Variants in ERICH6 observed in about 807,000 individuals in gnomAD.
The protein encoded by ERICH6 is glutamate rich 6.
In ERICH6, 71 loss-of-function variants were observed where a neutral mutation model predicts 71.0. The ratio of observed to expected loss-of-function variants is 1.00; its 90% confidence interval spans 0.83 to 1.22. ERICH6 has a LOEUF of 1.22. Among genes scored for constraint, ERICH6 ranks in the 50% most tolerant of loss-of-function variants. ERICH6 has a pLI of 0.00. For missense variants in ERICH6, 808 were observed against 797.2 expected, an observed-to-expected ratio of 1.01 and a Z score of -0.16; for synonymous variants, 262 against 278.4, an observed-to-expected ratio of 0.94 and a Z score of 0.59.
chr3:150,701,001 A>G (rs1712849759), intron 2 of ERICH6, among the ~76,000 whole-genome samples: 1 of 152,226 alleles, frequency 6.6e-6, no homozygotes, highest in Non-Finnish European at 1.5e-5. Flanking sequence ...GTTGGTTTTC[A>G]ATTTTTAGAA....
intron 11 of ERICH6, 124 bp from the exon 12 acceptor site, chr3:150,669,575 A>G: frequency 9.7e-7 from 1 of 1,030,518 alleles, no homozygotes; most frequent in Non-Finnish European, 1.4e-6. Flanking sequence ...TACTATATTA[A>G]TACAAAAGAT....
At chr3:150,679,666 CT>C (rs940882937) in intron 9 of ERICH6, among the ~76,000 whole-genome samples, 40 of 147,176 alleles carry the variant, frequency 2.7e-4, no homozygotes, top group Admixed American at 5.4e-4. Context: ...AATAAGCTGA[CT>C]TTTTTTTTTT....
Position 150,698,830 on chromosome 3 carries a change from C to A in ERICH6, c.514G>T (p.Glu172Ter), listed in dbSNP as rs1476135138. ...TCAGACAAATCTTGGAGCCAACTTT[C>A]TTCTGTTTGTACTGATACTGGAATT... ...PGIPVSVQTE[E>*]SWLQDLSDKV... Residue 172 changes from glutamate (E) to a stop codon, truncating the protein, a stop_gained, in exon 3 of 14, where the codon GAA becomes TAA. Transcript: ENST00000295910. LOFTEE classifies it high-confidence loss of function. 6.2e-7 allele frequency: 1 copy of A among 1,613,972 alleles called. No homozygotes were observed. Among genetic ancestry groups the A allele is most frequent in the Non-Finnish European group, 8.5e-7 (1 of 1,179,968 alleles).
At chr3:150,691,950 ACTC>A (rs1712453699) in intron 3 of ERICH6, among the ~76,000 whole-genome samples, 1 of 151,516 alleles carries the variant, frequency 6.6e-6, no homozygotes, top group Non-Finnish European at 1.5e-5. Context: ...AAACTATTCC[ACTC>A]CTCAAGGCCC....
intron 11 of ERICH6, 105 bp downstream of exon 11, chr3:150,673,851 C>T (rs965678215): frequency 9.8e-7 from 1 of 1,016,338 alleles, no homozygotes; most frequent in Non-Finnish European, 1.5e-6. Flanking sequence ...AAAGTGCTGG[C>T]ATTACAGGTG....
intron 3 of ERICH6, among the ~76,000 whole-genome samples, chr3:150,689,844 T>C (rs1446700162): frequency 6.6e-6 from 1 of 152,168 alleles, no homozygotes; most frequent in Admixed American, 6.5e-5. Context: ...GAGAACGCTG[T>C]TTTTCCTTAT....
intron 3 of ERICH6, among the ~76,000 whole-genome samples, 154 bp downstream of exon 3, chr3:150,698,637 A>G (rs1333611474): frequency 6.6e-6 from 1 of 152,226 alleles, no homozygotes; most frequent in Non-Finnish European, 1.5e-5. Flanking sequence ...GAAGAAAGTA[A>G]GACTCAAAGA....
chr3:150,686,238 A>G (rs1405952032), intron 4 of ERICH6, 60 bp downstream of exon 4: 12 of 1,563,058 alleles, frequency 7.7e-6, no homozygotes, highest in Non-Finnish European at 7.9e-6. Context: ...AGTTAAGGTG[A>G]TTCCCTTCTG....
intron 11 of ERICH6, 44 bp downstream of exon 11, chr3:150,673,912 T>TG (rs1228979279): frequency 1.3e-6 from 2 of 1,570,818 alleles, no homozygotes; most frequent in Non-Finnish European, 1.7e-6. Context: ...TTCTTTTTTT[T>TG]GAAGTAATAA....
intron 5 of ERICH6, 39 bp from the exon 6 acceptor site, chr3:150,685,897 A>G: frequency 6.2e-7 from 1 of 1,608,292 alleles, no homozygotes; most frequent in Non-Finnish European, 8.5e-7. Flanking sequence ...AGGGGAAATA[A>G]TTGAAGATTT....
At chr3:150,681,021 T>C (rs1711906767) in intron 7 of ERICH6, 91 bp from the exon 8 acceptor site, 1 of 1,357,666 alleles carries the variant, frequency 7.4e-7, no homozygotes, top group Non-Finnish European at 9.9e-7. Flanking sequence ...TGGATAACAA[T>C]CCATCATAAG....
At chr3:150,682,484 G>C (rs1712009838) in intron 6 of ERICH6, among the ~76,000 whole-genome samples, 168 bp from the exon 7 acceptor site, 1 of 152,186 alleles carries the variant, frequency 6.6e-6, no homozygotes, top group Non-Finnish European at 1.5e-5. Context: ...GAGGCTTCAG[G>C]AGCCTGAGGT....
intron 1 of ERICH6, among the ~76,000 whole-genome samples, chr3:150,702,938 G>C (rs1189984329): frequency 7.4e-6 from 1 of 134,654 alleles, no homozygotes; most frequent in Non-Finnish European, 1.6e-5. Flanking sequence ...GAGAGAGGGA[G>C]AGAGAAAGAG....
intron 12 of ERICH6, 86 bp from the exon 13 acceptor site, chr3:150,667,101 G>T (rs1019749660): frequency 1.5e-6 from 2 of 1,293,928 alleles, no homozygotes; most frequent in East Asian, 2.3e-5. Context: ...TAACCAAGGG[G>T]AGTAACGGTT....
intron 11 of ERICH6, 89 bp from the exon 12 acceptor site, chr3:150,669,540 C>A: frequency 7.1e-7 from 1 of 1,404,958 alleles, no homozygotes; most frequent in East Asian, 2.3e-5. Context: ...ACTCTGAAAT[C>A]ATAAAGCATT....
chr3:150,686,651 G>A (rs1230088647), intron 3 of ERICH6, among the ~76,000 whole-genome samples: 1 of 152,136 alleles, frequency 6.6e-6, no homozygotes, highest in Admixed American at 6.6e-5. Context: ...GCCTGAAACT[G>A]CAGGTATACC....
chr3:150,676,339 T>C (rs765020150), intron 10 of ERICH6, among the ~76,000 whole-genome samples: 5 of 152,188 alleles, frequency 3.3e-5, no homozygotes, highest in Non-Finnish European at 7.3e-5. Flanking sequence ...TGTCAGTTTA[T>C]AGTTTTCTGT....
At chr3:150,669,153 T>C (rs1306330371) in intron 12 of ERICH6, 143 bp downstream of exon 12, 1 of 858,088 alleles carries the variant, frequency 1.2e-6, no homozygotes. Flanking sequence ...AAACCAAAAA[T>C]GTCTCTGAGT....
intron 8 of ERICH6, 55 bp from the exon 9 acceptor site, chr3:150,680,593 C>G: frequency 6.3e-7 from 1 of 1,599,386 alleles, no homozygotes; most frequent in Non-Finnish European, 8.6e-7. Context: ...AAGCTTAAAA[C>G]AGTCTACTAC....
Sources: allele counts gnomAD v4.1 joint callset (sites outside exome capture counted in the v4.1 genomes callset), GRCh38; gene constraint gnomAD v4.1.1; transcripts MANE v1.5; gene names NCBI Gene and HGNC (gene_info 2026-07-23, HGNC 2026-07-21).